Variants in SNX16 observed in about 807,000 individuals in gnomAD.
The protein encoded by SNX16 is sorting nexin 16.
Under a neutral mutation model 36.7 loss-of-function variants are expected in SNX16, and 35 were observed. That is an observed-to-expected ratio of 0.95 (90% confidence interval 0.73 to 1.27). The LOEUF is 1.27. Among genes scored for constraint, SNX16 ranks in the 50% most tolerant of loss-of-function variants. The pLI is 0.00. For missense variants in SNX16, 367 were observed against 393.6 expected (o/e 0.93, Z 0.57); for synonymous variants, 134 against 132.0 (o/e 1.02, Z -0.10).
intron 5 of SNX16, among the ~76,000 whole-genome samples, chr8:81,807,293 C>A (rs960967679): frequency 6.6e-6 from 1 of 151,628 alleles, no homozygotes; most frequent in African/African-American, 2.4e-5. Context: ...CTGAGGTGGG[C>A]AGATCACCTG....
At chr8:81,829,556 A>G in intron 2 of SNX16, 40 bp from the exon 3 acceptor site, 1 of 904,676 alleles carries the variant, frequency 1.1e-6, no homozygotes, top group Non-Finnish European at 1.6e-6. Flanking sequence ...GAAAAATATA[A>G]AAGTAAAGAT....
In SNX16 at chr8:81,800,232, C is replaced by T. The variant is rs541210126; in HGVS notation, c.*1265G>A. The T allele has an allele frequency of 2.0e-5, 3 of 151,532 alleles. No individual in the cohort carries two copies. The East Asian group carries it at 5.8e-4, about 29-fold the overall frequency. The allele number at this position is 151,532 out of a possible 1,614,324, so 9.4% of individuals were successfully genotyped here. ...TTCCCTCAGTTTTTAGAAAGCATAC[C>T]GACTGGGATTGCAAAATGCCAGCAT... On this transcript the variant is annotated 3_prime_UTR_variant, in exon 8 of 8. Coordinates refer to ENST00000345957, the MANE Select transcript of SNX16 (RefSeq NM_152836.3).
chr8:81,827,355 CTGTT>C (rs767601673), intron 3 of SNX16, among the ~76,000 whole-genome samples: 2 of 151,820 alleles, frequency 1.3e-5, no homozygotes, highest in Non-Finnish European at 2.9e-5. Flanking sequence ...TACAATGAAA[CTGTT>C]TGAAATTAGT....
chr8:81,802,589 TAGCTGTTA>T (rs1268525930), intron 6 of SNX16, 90 bp from the exon 7 acceptor site: 1 of 1,137,574 alleles, frequency 8.8e-7, no homozygotes, highest in African/African-American at 1.6e-5. Context: ...TAGCAGTCTT[TAGCTGTTA>T]AGCCTTAATG....
chr8:81,817,216 C>T (rs764746467), intron 4 of SNX16, among the ~76,000 whole-genome samples: 3 of 152,134 alleles, frequency 2.0e-5, no homozygotes, highest in Non-Finnish European at 4.4e-5. Flanking sequence ...TATTTTCTTA[C>T]AGTTTTATAT....
At chr8:81,807,573 G>A (rs112196026) in intron 5 of SNX16, among the ~76,000 whole-genome samples, 3,905 of 139,358 alleles carry the variant, frequency 0.028, 76 homozygotes, top group Admixed American at 0.052. Flanking sequence ...AAACAGACCC[G>A]TTCACACTCA....
At chr8:81,809,647 C>A (rs1436964496) in intron 5 of SNX16, among the ~76,000 whole-genome samples, 1 of 151,994 alleles carries the variant, frequency 6.6e-6, no homozygotes, top group Non-Finnish European at 1.5e-5. Context: ...TATTTTATAC[C>A]CATCAGACTG....
intron 4 of SNX16, among the ~76,000 whole-genome samples, chr8:81,817,296 A>G (rs191705257): frequency 1.6e-3 from 242 of 152,362 alleles, no homozygotes; most frequent in South Asian, 5.0e-3. Flanking sequence ...TACTGCTAGG[A>G]AAGAAAAAGG....
intron 2 of SNX16, among the ~76,000 whole-genome samples, chr8:81,834,906 C>A (rs944539419): frequency 6.6e-6 from 1 of 152,216 alleles, no homozygotes; most frequent in Non-Finnish European, 1.5e-5. Context: ...CCTCCTCTCA[C>A]AGCTCCACTA....
intron 5 of SNX16, chr8:81,808,280 T>A: frequency 8.7e-7 from 1 of 1,152,044 alleles, no homozygotes; most frequent in South Asian, 1.2e-5. Context: ...CACTATACCA[T>A]GAATGGCCAC....
At chr8:81,810,583 G>T (rs775243139) in intron 5 of SNX16, among the ~76,000 whole-genome samples, 10 of 152,130 alleles carry the variant, frequency 6.6e-5, no homozygotes, top group Non-Finnish European at 1.3e-4. Context: ...GTAGGAAAAT[G>T]CATTTATTTT....
intron 2 of SNX16, 96 bp downstream of exon 2, chr8:81,839,516 A>T: frequency 8.4e-7 from 1 of 1,186,764 alleles, no homozygotes; most frequent in Non-Finnish European, 1.2e-6. Flanking sequence ...TCAAGAAATT[A>T]TAAGTACAAG....
intron 3 of SNX16, among the ~76,000 whole-genome samples, chr8:81,829,138 A>T (rs916188211): frequency 2.0e-5 from 3 of 152,152 alleles, no homozygotes; most frequent in African/African-American, 7.2e-5. Context: ...AATATGTTAA[A>T]TATGTTTTTG....
intron 4 of SNX16, among the ~76,000 whole-genome samples, chr8:81,820,350 T>A (rs1181109649): frequency 6.6e-6 from 1 of 152,106 alleles, no homozygotes; most frequent in African/African-American, 2.4e-5. Context: ...CAACTACTAT[T>A]TGAATTTAGA....
At chr8:81,833,332 CT>C (rs1811350399) in intron 2 of SNX16, among the ~76,000 whole-genome samples, 1 of 151,770 alleles carries the variant, frequency 6.6e-6, no homozygotes, top group Non-Finnish European at 1.5e-5. Context: ...CCCATACAAA[CT>C]TCTCTTTCAG....
rs145620923 is a variant in SNX16, at chr8:81,837,055, T to G, written c.375+2557A>C. Among the ~76,000 whole-genome samples, 354 of 152,352 alleles carry G rather than the reference T, an allele frequency of 2.3e-3. 1 individual carries two copies. Among genetic ancestry groups the G allele is most frequent in the Non-Finnish European group, 4.1e-3 (276 of 68,040 alleles). On this transcript the variant is annotated intron_variant, in intron 2 of 7. Coordinates refer to ENST00000345957, the MANE Select transcript of SNX16 (RefSeq NM_152836.3). Reference sequence around the variant, plus strand: ...CCCTGTTAGCACTAACATCTTTTTGTGAGGCCATGACTGATAGTGCTATTT... The same window carrying G: ...CCCTGTTAGCACTAACATCTTTTTGGGAGGCCATGACTGATAGTGCTATTT...
chr8:81,830,053 G>C (rs1470786), intron 2 of SNX16, among the ~76,000 whole-genome samples: 90,768 of 152,044 alleles, frequency 0.6, 27,815 homozygotes, highest in East Asian at 0.98. Context: ...AAAACTCTGC[G>C]AAAAGGCTCT....
At chr8:81,820,182 T>C (rs1050556783) in intron 4 of SNX16, among the ~76,000 whole-genome samples, 1 of 152,104 alleles carries the variant, frequency 6.6e-6, no homozygotes, top group African/African-American at 2.4e-5. Context: ...TATGTTTTCA[T>C]AAAGAAATGT....
At chr8:81,817,599 G>A (rs1810551518) in intron 4 of SNX16, among the ~76,000 whole-genome samples, 1 of 152,134 alleles carries the variant, frequency 6.6e-6, no homozygotes, top group Non-Finnish European at 1.5e-5. Context: ...GCTTTACAAT[G>A]TTAATTTACA....
Sources: allele counts gnomAD v4.1 joint callset (sites outside exome capture counted in the v4.1 genomes callset), GRCh38; gene constraint gnomAD v4.1.1; transcripts MANE v1.5; gene names NCBI Gene and HGNC (gene_info 2026-07-23, HGNC 2026-07-21).